FCHSD2: variants seen among roughly 807,000 people sequenced by gnomAD.
The protein encoded by FCHSD2 is FCH and double SH3 domains 2, also known as F-BAR and double SH3 domains protein 2.
A neutral mutation model predicts 108.1 loss-of-function variants in FCHSD2; 38 were observed. The ratio of observed to expected loss-of-function variants is 0.35; its 90% confidence interval spans 0.27 to 0.46. The LOEUF is 0.46. FCHSD2 is among the 20% of genes least tolerant of loss of function. FCHSD2 has a pLI of 1.00. For missense variants in FCHSD2, 751 were observed against 897.8 expected (o/e 0.84, Z 2.09); for synonymous variants, 279 against 314.7 (o/e 0.89, Z 1.20).
At position 73,087,648 on chromosome 11, in the gene FCHSD2, T is replaced by C. The variant is rs563924067; in HGVS notation, c.120-3908A>G. Among the ~76,000 whole-genome samples, 458 of 147,758 alleles carry C rather than the reference T, an allele frequency of 3.1e-3. 1 individual carries two copies. The highest frequency in any genetic ancestry group is 0.011 in the African/African-American group (438 of 39,846). Reference sequence around the variant, plus strand: ...TGAACCCGGGAGGCAGAGGTTGCAGTGGGCCGAGATCACACCACTGCACTC... The same window carrying C: ...TGAACCCGGGAGGCAGAGGTTGCAGCGGGCCGAGATCACACCACTGCACTC... On this transcript the variant is annotated intron_variant, in intron 2 of 19. Coordinates refer to ENST00000409418, the MANE Select transcript of FCHSD2 (RefSeq NM_014824.3).
intron 9 of FCHSD2, among the ~76,000 whole-genome samples, chr11:72,909,058 C>G (rs1313117132): frequency 6.6e-6 from 1 of 152,138 alleles, no homozygotes; most frequent in Non-Finnish European, 1.5e-5. Flanking sequence ...TTCCCCTCCC[C>G]CCTCCATCTC....
chr11:73,086,600 T>C (rs1016459883), intron 2 of FCHSD2, among the ~76,000 whole-genome samples: 6 of 151,930 alleles, frequency 3.9e-5, no homozygotes, highest in Admixed American at 3.9e-4. Flanking sequence ...AAACCAAAAG[T>C]TGGTTCTTCA....
At chr11:73,024,340 A>C (rs1323139254) in intron 3 of FCHSD2, among the ~76,000 whole-genome samples, 1 of 152,182 alleles carries the variant, frequency 6.6e-6, no homozygotes, top group Non-Finnish European at 1.5e-5. Flanking sequence ...ACTCTGGAAA[A>C]AAGTATTTTA....
intron 8 of FCHSD2, among the ~76,000 whole-genome samples, chr11:72,979,569 A>C (rs1857173872): frequency 6.6e-6 from 1 of 152,330 alleles, no homozygotes; most frequent in Admixed American, 6.5e-5. Context: ...TTACACAGTA[A>C]AGAAGAAAAC....
intron 10 of FCHSD2, among the ~76,000 whole-genome samples, chr11:72,896,056 C>T (rs1251471769): frequency 6.6e-6 from 1 of 152,186 alleles, no homozygotes; most frequent in African/African-American, 2.4e-5. Flanking sequence ...GCATAAATCA[C>T]TCCCCTTATG....
At chr11:72,889,766 T>C (rs1855275811) in intron 11 of FCHSD2, 63 bp downstream of exon 11, 2 of 890,392 alleles carry the variant, frequency 2.2e-6, no homozygotes, top group Admixed American at 4.4e-5. Flanking sequence ...TAAAACTCAG[T>C]TCCTTAAACT....
intron 1 of FCHSD2, among the ~76,000 whole-genome samples, chr11:73,141,048 T>C: frequency 6.6e-6 from 1 of 152,182 alleles, no homozygotes; most frequent in East Asian, 1.9e-4. Context: ...ATCCACCCAG[T>C]GCCCAGAGTA....
intron 4 of FCHSD2, among the ~76,000 whole-genome samples, chr11:73,013,525 T>A (rs1173297415): frequency 6.6e-6 from 1 of 152,204 alleles, no homozygotes; most frequent in African/African-American, 2.4e-5. Context: ...TTCATATGTA[T>A]CCTATGAATA....
intron 3 of FCHSD2, among the ~76,000 whole-genome samples, chr11:73,037,914 C>A (rs1412362535): frequency 6.6e-6 from 1 of 152,152 alleles, no homozygotes; most frequent in African/African-American, 2.4e-5. Flanking sequence ...TATCCAATCC[C>A]TCACCAATTT....
At chr11:72,909,629 G>C (rs1855710888) in intron 9 of FCHSD2, among the ~76,000 whole-genome samples, 1 of 151,176 alleles carries the variant, frequency 6.6e-6, no homozygotes, top group East Asian at 2.0e-4. Context: ...GGGATGTGAG[G>C]AGTGCCTCTG....
At position 72,884,562 on chromosome 11, in the gene FCHSD2, TATG is replaced by T. The variant is rs544157594; in HGVS notation, c.1146+2905_1146+2907del. On this transcript the variant is annotated intron_variant, in intron 12 of 19. Coordinates refer to ENST00000409418, the MANE Select transcript of FCHSD2 (RefSeq NM_014824.3). ...TAAGATCATATATATAGTTTATATA[TATG>T]ATGATATATATAAAAGATCATATAT... is the stretch of plus-strand genomic sequence containing the variant. 1.3e-3 allele frequency among the ~76,000 whole-genome samples: 191 copies of T among 148,118 alleles called. 1 individual carries two copies. The highest frequency in any genetic ancestry group is 4.6e-3 in the African/African-American group (186 of 40,620).
At chr11:72,936,005 T>G (rs971056752) in intron 8 of FCHSD2, among the ~76,000 whole-genome samples, 1 of 152,158 alleles carries the variant, frequency 6.6e-6, no homozygotes, top group African/African-American at 2.4e-5. Context: ...AATATTTAGG[T>G]TGCCATCTCA....
intron 12 of FCHSD2, among the ~76,000 whole-genome samples, chr11:72,886,115 T>C (rs1050501240): frequency 1.3e-5 from 2 of 152,326 alleles, no homozygotes; most frequent in Non-Finnish European, 1.5e-5. Context: ...ACCATTAGTT[T>C]AGTTTAAACC....
intron 8 of FCHSD2, among the ~76,000 whole-genome samples, chr11:72,923,840 G>A (rs1248283974): frequency 6.6e-6 from 1 of 152,146 alleles, no homozygotes; most frequent in African/African-American, 2.4e-5. Flanking sequence ...TTGGCAGGCT[G>A]AGGCAGGAGA....
chr11:73,090,893 A>G (rs1859941211), intron 2 of FCHSD2, among the ~76,000 whole-genome samples: 1 of 151,684 alleles, frequency 6.6e-6, no homozygotes, highest in Non-Finnish European at 1.5e-5. Flanking sequence ...ACCCCAGAAC[A>G]CTCCAGACCC....
chr11:73,063,181 CCTAA>C (rs1301231632), intron 3 of FCHSD2, among the ~76,000 whole-genome samples: 4 of 152,228 alleles, frequency 2.6e-5, no homozygotes, highest in African/African-American at 9.6e-5. Flanking sequence ...TCATATCCAG[CCTAA>C]CTAAGCTTCA....
At chr11:73,139,423 T>G (rs559573440) in intron 2 of FCHSD2, among the ~76,000 whole-genome samples, 1 of 152,366 alleles carries the variant, frequency 6.6e-6, no homozygotes, top group East Asian at 1.9e-4. Flanking sequence ...ATTTCTTTCA[T>G]TAAAATAAGT....
chr11:73,056,395 C>T (rs1469083563), intron 3 of FCHSD2, among the ~76,000 whole-genome samples: 1 of 152,172 alleles, frequency 6.6e-6, no homozygotes, highest in East Asian at 1.9e-4. Flanking sequence ...GTAAAGAACA[C>T]TGCTCATACC....
At chr11:72,997,277 A>T (rs1293116214) in intron 5 of FCHSD2, among the ~76,000 whole-genome samples, 1 of 152,202 alleles carries the variant, frequency 6.6e-6, no homozygotes, top group African/African-American at 2.4e-5. Context: ...TAAGCACCCT[A>T]TATTTTCAGT....
Sources: allele counts gnomAD v4.1 joint callset (sites outside exome capture counted in the v4.1 genomes callset), GRCh38; gene constraint gnomAD v4.1.1; transcripts MANE v1.5; gene names NCBI Gene and HGNC (gene_info 2026-07-23, HGNC 2026-07-21).